LIX1L: variants seen among roughly 807,000 people sequenced by gnomAD.
LIX1L encodes limb and CNS expressed 1 like.
A neutral mutation model predicts 34.0 loss-of-function variants in LIX1L; 20 were observed. The ratio of observed to expected loss-of-function variants is 0.59; its 90% CI spans 0.41 to 0.85. The LOEUF (loss-of-function observed/expected upper bound fraction) is 0.85. Ranked by LOEUF, LIX1L falls within the 40% of genes least tolerant of loss-of-function variation. The probability of loss-of-function intolerance (pLI) is 0.00; values close to 1 mark genes in which losing one functional copy is unlikely to be tolerated. For missense variants in LIX1L, 397 were observed against 447.0 expected (o/e 0.89, Z 1.01); for synonymous variants, 170 against 187.4 (o/e 0.91, Z 0.76).
chr1:145,956,720 C>A (rs587696417), intron 1 of LIX1L, among the ~76,000 whole-genome samples: 1 of 152,322 alleles, frequency 6.6e-6, no homozygotes, highest in African/African-American at 2.4e-5. Flanking sequence ...CTGTATTCCA[C>A]ACCCTTCACT....
intron 2 of LIX1L, among the ~76,000 whole-genome samples, chr1:145,943,173 A>G (rs1648984966): frequency 6.6e-6 from 1 of 152,232 alleles, no homozygotes; most frequent in Non-Finnish European, 1.5e-5. Context: ...CTGTCGACAG[A>G]ATTAGTTACT....
chr1:145,936,379 G>C lies in LIX1L; in HGVS notation c.945C>G (p.His315Gln), dbSNP rs1553757795. 1 of 1,614,158 alleles carries C rather than the reference G, an allele frequency of 6.2e-7. No individual in the cohort carries two copies. The highest frequency in any genetic ancestry group is 8.5e-7 in the Non-Finnish European group (1 of 1,180,040). The change falls in exon 6 of 6, where the codon CAC (histidine) becomes CAG (glutamine). Residue 315 changes from histidine to glutamine, a missense_variant. Around this residue, in one of 3 missense-constraint regions of LIX1L, gnomAD observed 174 missense variants for 204.0 expected, o/e 0.85. Coordinates refer to ENST00000604000, the MANE Select transcript of LIX1L (RefSeq NM_153713.3). Reference sequence around the variant, plus strand: ...GCACAAGAATATCTTTCTTCTCCTTGTGGAAGCGCAGCTCCTTGCCTGCCA... The same window carrying C: ...GCACAAGAATATCTTTCTTCTCCTTCTGGAAGCGCAGCTCCTTGCCTGCCA... ...ARLAGKELRFHKEKKDILVLA... is the reference protein window; with the variant it reads ...ARLAGKELRFQKEKKDILVLA...
Position 145,957,663 on chromosome 1 carries a change from C to T in LIX1L, c.265G>A (p.Ala89Thr). The T allele has an allele frequency of 6.5e-7, 1 of 1,541,246 alleles. No homozygotes were observed. ...EAVEAVVRSF[A>T]KHTQGYGRVN... ...CGGCCATAGCCCTGCGTGTGCTTGGCGAAGCTCCTCACCACGGCCTCCACG... is the reference window on the plus strand; with the variant it reads ...CGGCCATAGCCCTGCGTGTGCTTGGTGAAGCTCCTCACCACGGCCTCCACG... Residue 89 changes from alanine to threonine, a missense_variant, in exon 1 of 6, where the codon GCC becomes ACC. Around this residue, in one of 3 missense-constraint regions of LIX1L, gnomAD observed 207 missense variants for 205.2 expected, o/e 1.01. Coordinates refer to ENST00000604000, the MANE Select transcript of LIX1L (RefSeq NM_153713.3).
chr1:145,949,501 G>A (rs781808777), intron 1 of LIX1L, among the ~76,000 whole-genome samples: 5 of 151,840 alleles, frequency 3.3e-5, no homozygotes, highest in Admixed American at 6.6e-5. Context: ...GGGAGGGGAA[G>A]TGTAATGCAA....
At chr1:145,942,650 A>C in intron 3 of LIX1L, 63 bp downstream of exon 3, 4 of 1,496,084 alleles carry the variant, frequency 2.7e-6, no homozygotes, top group Non-Finnish European at 3.7e-6. Context: ...GTAATTTACG[A>C]CTTCCCAAGC....
chr1:145,938,063 A>G (rs1648732621), intron 3 of LIX1L, among the ~76,000 whole-genome samples: 1 of 151,736 alleles, frequency 6.6e-6, no homozygotes, highest in African/African-American at 2.4e-5. Context: ...TGGGAGGCGG[A>G]GATTGCAGAG....
rs1471329572 is a variant in LIX1L at position 145,957,984 on chromosome 1, C to T, written c.-57G>A. ...CTGCCAGCCTGCCGAGCTAACGGTC[C>T]CAACCACCCCAGTCAGCTAGCGCCT... On this transcript the variant is annotated 5_prime_UTR_variant, in exon 1 of 6. Coordinates refer to ENST00000604000, the MANE Select transcript of LIX1L (RefSeq NM_153713.3). 49 of 1,239,486 alleles carry T rather than the reference C, an allele frequency of 4.0e-5. No homozygotes were observed. Among genetic ancestry groups the T allele is most frequent in the Non-Finnish European group, 5.2e-5 (49 of 943,688 alleles). 76.8% of individuals were successfully genotyped at this position (1,239,486 alleles called of 1,614,324 possible). A position where few individuals can be genotyped will look rare whatever the true frequency, so the allele number is the denominator to read the frequency against.
At chr1:145,951,595 C>A (rs587606947) in intron 1 of LIX1L, among the ~76,000 whole-genome samples, 155 of 152,324 alleles carry the variant, frequency 1.0e-3, no homozygotes, top group African/African-American at 3.5e-3. Context: ...AAAGATCCAG[C>A]ATGAAAAGAA....
intron 1 of LIX1L, among the ~76,000 whole-genome samples, chr1:145,952,421 C>T (rs370226203): frequency 1.8e-4 from 27 of 152,246 alleles, no homozygotes; most frequent in Admixed American, 4.6e-4. Context: ...CTGAGATATA[C>T]ACATCTGATA....
chr1:145,938,748 C>T lies in LIX1L; in HGVS notation c.598-1049G>A, dbSNP rs587722258. Among the ~76,000 whole-genome samples, 488 of 152,044 alleles carry T rather than the reference C, an allele frequency of 3.2e-3. 3 individuals are homozygous for T. Among genetic ancestry groups the T allele is most frequent in the Non-Finnish European group, 4.8e-3 (327 of 67,978 alleles). ...GACTATAGGCATGCGCCATCACGCC[C>T]GGCTAATTTTTTTATTTTTAGTGGA... On this transcript the variant is annotated intron_variant, in intron 3 of 5. Coordinates refer to ENST00000604000, the MANE Select transcript of LIX1L (RefSeq NM_153713.3).
At chr1:145,952,759 C>T (rs371073194) in intron 1 of LIX1L, among the ~76,000 whole-genome samples, 8 of 151,834 alleles carry the variant, frequency 5.3e-5, no homozygotes, top group East Asian at 1.9e-4. Flanking sequence ...TACAGGCGCA[C>T]GCCACCACAC....
In LIX1L at chr1:145,942,655, C is replaced by T. The variant is rs1648962699; in HGVS notation, c.597+58G>A. The T allele has an allele frequency of 2.6e-6, 4 of 1,544,860 alleles. No individual in the cohort carries two copies. The South Asian group carries it at 3.4e-5, about 13-fold the overall frequency. ...CTGTTTCACAGTAATTTACGACTTC[C>T]CAAGCAGCCAGTTCTCCCATCTCCC... On this transcript the variant is annotated intron_variant, in intron 3 of 5. Transcript: ENST00000604000.
intron 1 of LIX1L, among the ~76,000 whole-genome samples, chr1:145,956,525 A>T (rs782348800): frequency 6.6e-6 from 1 of 152,198 alleles, no homozygotes; most frequent in Non-Finnish European, 1.5e-5. Context: ...AGTGACAAAG[A>T]TCTCCAAAGC....
intron 2 of LIX1L, among the ~76,000 whole-genome samples, chr1:145,944,359 A>T (rs1248435583): frequency 1.3e-5 from 2 of 152,090 alleles, no homozygotes; most frequent in Non-Finnish European, 2.9e-5. Flanking sequence ...ACTCTGTCTT[A>T]AAAAAACAAT....
Position 145,937,679 on chromosome 1 carries a change from G to A in LIX1L, c.618C>T (p.Asp206=), listed in dbSNP as rs909262663. 3.1e-6 allele frequency: 5 copies of A among 1,612,572 alleles called. No individual in the cohort carries two copies. The highest frequency in any genetic ancestry group is 4.2e-6 in the Non-Finnish European group (5 of 1,178,608). The change falls in exon 4 of 6, where the codon GAC becomes GAT. Residue 206 remains aspartate (D), a synonymous_variant. Coordinates refer to ENST00000604000, the MANE Select transcript of LIX1L (RefSeq NM_153713.3). ...ASFNGNREEA[D]NPNTGIGAFR... ...AGGCACCAATCCCTGTATTTGGGTT[G>A]TCAGCTTCCTCCCTGTTGCCCTGGT...
At chr1:145,956,322 T>C (rs782114507) in intron 1 of LIX1L, among the ~76,000 whole-genome samples, 43 of 152,214 alleles carry the variant, frequency 2.8e-4, no homozygotes, top group Non-Finnish European at 5.4e-4. Flanking sequence ...TTTTTGGGTT[T>C]ACATTATTAG....
intron 1 of LIX1L, among the ~76,000 whole-genome samples, chr1:145,952,901 G>A (rs1354665179): frequency 2.0e-5 from 3 of 151,822 alleles, no homozygotes; most frequent in Non-Finnish European, 2.9e-5. Flanking sequence ...GTGAGTCACC[G>A]CACCTAACCT....
Position 145,957,717 on chromosome 1 carries a change from C to A in LIX1L, c.211G>T (p.Ala71Ser). 1.3e-6 allele frequency: 2 copies of A among 1,486,226 alleles called. No homozygotes were observed. Among genetic ancestry groups the A allele is most frequent in the Non-Finnish European group, 8.9e-7 (1 of 1,123,468 alleles). The allele number at this position is 1,486,226 out of a possible 1,614,324, so 92.1% of individuals were successfully genotyped here. A position where few individuals can be genotyped will look rare whatever the true frequency, so the allele number is the denominator to read the frequency against. ...APGLPLPPGAAGSPAVLREAV... is the reference protein window; with the variant it reads ...APGLPLPPGASGSPAVLREAV... ...TCTCGCAGCACTGCCGGGCTGCCGGCGGCGCCGGGGGGCAGGGGTAGTCCT... is the reference window on the plus strand; with the variant it reads ...TCTCGCAGCACTGCCGGGCTGCCGGAGGCGCCGGGGGGCAGGGGTAGTCCT... Residue 71 changes from alanine to serine, a missense_variant, in exon 1 of 6, where the codon GCC becomes TCC. Ala to Ser is a moderately conservative substitution (Grantham distance 99, BLOSUM62 1). This residue lies in a region of LIX1L where 207 missense variants were observed against 205.2 expected (regional missense o/e 1.01). Coordinates refer to ENST00000604000, the MANE Select transcript of LIX1L (RefSeq NM_153713.3).
At chr1:145,955,204 C>G (rs977378722) in intron 1 of LIX1L, among the ~76,000 whole-genome samples, 1 of 152,220 alleles carries the variant, frequency 6.6e-6, no homozygotes, top group Non-Finnish European at 1.5e-5. Context: ...GATTACAAAT[C>G]CCATGCACTA....
Sources: gnomAD v4.1 joint callset for allele counts (sites outside exome capture counted in the v4.1 genomes callset) on GRCh38, gnomAD v4.1.1 for gene constraint, gnomAD v4.1.1 regional missense constraint, MANE v1.5 for transcripts, NCBI Gene and HGNC (gene_info 2026-07-23, HGNC 2026-07-21) for gene names.